ATF7IP2: variants seen among roughly 807,000 people sequenced by gnomAD.
ATF7IP2 encodes the protein activating transcription factor 7 interacting protein 2, also known as activating transcription factor 7-interacting protein 2.
Under a neutral mutation model 64.2 loss-of-function variants are expected in ATF7IP2, and 42 were observed. The observed-to-expected ratio is 0.65, with a 90% CI of 0.51 to 0.85. ATF7IP2 has a LOEUF of 0.85. ATF7IP2 is among the 40% of genes least tolerant of loss of function. ATF7IP2 has a pLI of 0.00. For synonymous variants in ATF7IP2, 308 were observed against 272.8 expected, an observed-to-expected ratio of 1.13 and a Z score of -1.27; for missense variants, 933 against 784.2, an observed-to-expected ratio of 1.19 and a Z score of -2.27.
At chr16:10,456,269 A>G (rs919018172) in intron 8 of ATF7IP2, among the ~76,000 whole-genome samples, 8 of 152,208 alleles carry the variant, frequency 5.3e-5, no homozygotes, top group African/African-American at 1.9e-4. Context: ...GATTTAGGCA[A>G]TTCTCAGCCT....
In ATF7IP2 at chr16:10,433,632, A is replaced by G; in HGVS notation, c.943A>G (p.Thr315Ala). 6.2e-7 allele frequency: 1 copy of G among 1,613,862 alleles called. No individual in the cohort carries two copies. Among genetic ancestry groups the G allele is most frequent in the Non-Finnish European group, 8.5e-7 (1 of 1,179,846 alleles). Residue 315 changes from threonine to alanine, a missense_variant, in exon 6 of 14, where the codon ACA becomes GCA. Thr to Ala is a moderately conservative substitution (Grantham distance 58). Coordinates refer to ENST00000562102, the MANE Select transcript of ATF7IP2 (RefSeq NM_001393719.1). Reference sequence around the variant, plus strand: ...TATTTGTGTAAGTTTGGAAAGGCAAACAGCATTCCTGGAACAGGTAAAATA... The same window carrying G: ...TATTTGTGTAAGTTTGGAAAGGCAAGCAGCATTCCTGGAACAGGTAAAATA... Reference protein sequence around the residue: ...ENICVSLERQTAFLEQVRHLI... With the variant: ...ENICVSLERQAAFLEQVRHLI...
At chr16:10,432,986 A>T (rs2048307741) in intron 5 of ATF7IP2, among the ~76,000 whole-genome samples, 1 of 152,322 alleles carries the variant, frequency 6.6e-6, no homozygotes, top group East Asian at 1.9e-4. Context: ...GTATATGTGT[A>T]TTGAGTTATT....
At chr16:10,433,331 A>G (rs1567455356) in intron 5 of ATF7IP2, among the ~76,000 whole-genome samples, 194 bp from the exon 6 acceptor site, 1 of 151,988 alleles carries the variant, frequency 6.6e-6, no homozygotes, top group African/African-American at 2.4e-5. Flanking sequence ...ATGCCCCACC[A>G]TACCCAGCTA....
intron 8 of ATF7IP2, among the ~76,000 whole-genome samples, chr16:10,452,966 G>C (rs1465318150): frequency 6.6e-6 from 1 of 152,122 alleles, no homozygotes; most frequent in Non-Finnish European, 1.5e-5. Flanking sequence ...GTCAACCTCA[G>C]ACTGCTGTGC....
chr16:10,483,105 G>GTT lies in ATF7IP2; in HGVS notation c.*859_*860dup, dbSNP rs1051373807. ...ATTCATTTGTGCTCTCCTCTTTTTT[G>GTT]TTTTGTTTTGCACTTTGTCAATCAT... On this transcript the variant is annotated 3_prime_UTR_variant, in exon 14 of 14. Coordinates refer to ENST00000562102, the MANE Select transcript of ATF7IP2 (RefSeq NM_001393719.1). The GTT allele has an allele frequency of 6.6e-6, 1 of 152,026 alleles. No homozygotes were observed. Among genetic ancestry groups the GTT allele is most frequent in the African/African-American group, 2.4e-5 (1 of 41,408 alleles). The allele number at this position is 152,026 out of a possible 1,614,324, so 9.4% of individuals were successfully genotyped here.
At chr16:10,461,357 G>A (rs899919463) in intron 9 of ATF7IP2, among the ~76,000 whole-genome samples, 5 of 152,078 alleles carry the variant, frequency 3.3e-5, no homozygotes, top group African/African-American at 1.2e-4. Flanking sequence ...CTAGTTAGAG[G>A]TATATCTATT....
intron 3 of ATF7IP2, among the ~76,000 whole-genome samples, chr16:10,423,236 T>G (rs2048021578): frequency 6.6e-6 from 1 of 152,086 alleles, no homozygotes; most frequent in Non-Finnish European, 1.5e-5. Flanking sequence ...AGAGTGAGAC[T>G]CCATCAAATA....
chr16:10,387,826 C>CT, intron 1 of ATF7IP2: 1 of 36,370 alleles, frequency 2.7e-5, no homozygotes, highest in South Asian at 9.1e-4. Context: ...TATTTTACTC[C>CT]CCCCCCCTCC....
intron 3 of ATF7IP2, among the ~76,000 whole-genome samples, chr16:10,423,214 A>G (rs994746216): frequency 2.0e-5 from 3 of 152,224 alleles, no homozygotes; most frequent in African/African-American, 7.2e-5. Context: ...ACTGCACTCC[A>G]GCCTGGGTGA....
intron 9 of ATF7IP2, among the ~76,000 whole-genome samples, chr16:10,460,273 A>G (rs2049330133): frequency 6.6e-6 from 1 of 152,224 alleles, no homozygotes; most frequent in African/African-American, 2.4e-5. Context: ...TATTAAAGAA[A>G]AATCAATTAA....
chr16:10,457,945 C>T (rs2049238810), intron 9 of ATF7IP2, among the ~76,000 whole-genome samples: 1 of 152,210 alleles, frequency 6.6e-6, no homozygotes, highest in Non-Finnish European at 1.5e-5. Context: ...TTCCTGGGCT[C>T]AGGCAATCTG....
intron 8 of ATF7IP2, among the ~76,000 whole-genome samples, chr16:10,441,561 T>C (rs1459794059): frequency 6.6e-6 from 1 of 152,214 alleles, no homozygotes; most frequent in African/African-American, 2.4e-5. Context: ...TTTGGAGAAG[T>C]GTCTGTTCAT....
At chr16:10,391,963 A>T (rs1020048428) in intron 1 of ATF7IP2, among the ~76,000 whole-genome samples, 2 of 152,054 alleles carry the variant, frequency 1.3e-5, no homozygotes, top group Non-Finnish European at 2.9e-5. Flanking sequence ...ATACTATAAG[A>T]ACTTTGTGTT....
At chr16:10,429,802 ATTTT>A (rs2048186054) in intron 4 of ATF7IP2, among the ~76,000 whole-genome samples, 1 of 127,518 alleles carries the variant, frequency 7.8e-6, no homozygotes, top group Non-Finnish European at 1.7e-5. Context: ...TATTTTATTT[ATTTT>A]ACTTCATTTA....
chr16:10,429,301 T>C (rs1481982624), intron 4 of ATF7IP2, among the ~76,000 whole-genome samples: 1 of 152,206 alleles, frequency 6.6e-6, no homozygotes, highest in African/African-American at 2.4e-5. Flanking sequence ...TCTTAATTAA[T>C]GAAGAGTATT....
chr16:10,454,830 A>G (rs959457131), intron 8 of ATF7IP2, among the ~76,000 whole-genome samples: 1 of 152,196 alleles, frequency 6.6e-6, no homozygotes, highest in Non-Finnish European at 1.5e-5. Context: ...GTATTCTTTG[A>G]CATATGAATT....
intron 12 of ATF7IP2, 135 bp downstream of exon 12, chr16:10,474,124 CAT>C (rs915066787): frequency 8.5e-6 from 5 of 586,034 alleles, no homozygotes; most frequent in Non-Finnish European, 1.5e-5. Flanking sequence ...AGTTTTAGCT[CAT>C]GTGCAGATTC....
intron 6 of ATF7IP2, among the ~76,000 whole-genome samples, chr16:10,435,148 C>T (rs1159828131): frequency 6.6e-6 from 1 of 152,214 alleles, no homozygotes; most frequent in African/African-American, 2.4e-5. Flanking sequence ...AAACAGTTGT[C>T]TCTCTCAACC....
intron 2 of ATF7IP2, among the ~76,000 whole-genome samples, chr16:10,416,145 C>A (rs1047777598): frequency 1.3e-5 from 2 of 152,182 alleles, no homozygotes; most frequent in African/African-American, 4.8e-5. Context: ...GGGATATCTG[C>A]AATTCCATGT....
Sources: gnomAD v4.1 joint callset for allele counts (sites outside exome capture counted in the v4.1 genomes callset) on GRCh38, gnomAD v4.1.1 for gene constraint, MANE v1.5 for transcripts, NCBI Gene and HGNC (gene_info 2026-07-23, HGNC 2026-07-21) for gene names.